TENM3: variants seen among roughly 807,000 people sequenced by gnomAD.
TENM3 encodes teneurin transmembrane protein 3.
TENM3 carries 63 observed loss-of-function variants against 255.1 expected under a neutral mutation model. That is an observed-to-expected ratio of 0.25 (90% CI 0.20 to 0.30). TENM3 has a LOEUF of 0.30. Among genes scored for constraint, TENM3 ranks in the 10% least tolerant of loss-of-function variants. TENM3 has a pLI of 1.00. For synonymous variants in TENM3, 1,306 were observed against 1,322.3 expected (o/e 0.99, Z 0.27); for missense variants, 2,929 against 3,461.1 (o/e 0.85, Z 3.86).
At chr4:182,653,948 A>C (rs752295198) in intron 6 of TENM3, 55 bp downstream of exon 6, 11 of 1,514,374 alleles carry the variant, frequency 7.3e-6, no homozygotes, top group Non-Finnish European at 9.8e-6. Context: ...CTTTTCCATA[A>C]ATTTATTTTT....
the TENM3 span, among the ~76,000 whole-genome samples, chr4:181,486,899 T>TG: frequency 6.6e-6 from 1 of 152,210 alleles, no homozygotes; most frequent in Admixed American, 6.5e-5. Context: ...GTTAAAAATA[T>TG]AATCTTCTAA....
chr4:181,799,867 G>C, the TENM3 span, among the ~76,000 whole-genome samples: 3 of 152,288 alleles, frequency 2.0e-5, no homozygotes, highest in South Asian at 6.2e-4. Context: ...TGAACAAGTC[G>C]GAAGCAGCCT....
chr4:182,758,980 A>AT (rs1040696423), intron 22 of TENM3, among the ~76,000 whole-genome samples: 151 of 152,336 alleles, frequency 9.9e-4, no homozygotes, highest in African/African-American at 3.2e-3. Flanking sequence ...AAGCCTTGAG[A>AT]TTAAAGCTTT....
chr4:181,614,085 A>G, the TENM3 span, among the ~76,000 whole-genome samples: 1 of 129,076 alleles, frequency 7.7e-6, no homozygotes, highest in African/African-American at 2.7e-5. Context: ...TTTTAAATAT[A>G]AATTCATACA....
chr4:182,049,551 G>T, the TENM3 span, among the ~76,000 whole-genome samples: 2 of 152,336 alleles, frequency 1.3e-5, no homozygotes, highest in East Asian at 1.9e-4. Context: ...GAAGTTCAGC[G>T]TGCAAAGCAC....
At chr4:182,369,999 G>T (rs1441572508) in intron 3 of TENM3, among the ~76,000 whole-genome samples, 1 of 152,124 alleles carries the variant, frequency 6.6e-6, no homozygotes, top group Non-Finnish European at 1.5e-5. Flanking sequence ...TTTTACCTTA[G>T]GCAGTTCACC....
chr4:181,657,065 G>A, the TENM3 span, among the ~76,000 whole-genome samples: 1 of 152,250 alleles, frequency 6.6e-6, no homozygotes, highest in African/African-American at 2.4e-5. Context: ...TGTGCGCGTA[G>A]TAAAAAGAAC....
chr4:182,344,564 T>C (rs1344044251), intron 2 of TENM3, among the ~76,000 whole-genome samples: 1 of 152,146 alleles, frequency 6.6e-6, no homozygotes, highest in Admixed American at 6.5e-5. Context: ...AAGATGGCAA[T>C]AGTGTGAAAA....
chr4:182,055,437 C>T, the TENM3 span, among the ~76,000 whole-genome samples: 2 of 152,248 alleles, frequency 1.3e-5, no homozygotes, highest in African/African-American at 4.8e-5. Flanking sequence ...CGCTCTGGCT[C>T]GGTTAAGCTC....
At chr4:182,711,674 C>A in intron 12 of TENM3, 2 of 602,222 alleles carry the variant, frequency 3.3e-6, no homozygotes, top group Non-Finnish European at 4.2e-6. Context: ...CTAGGTTTGA[C>A]AATAGACTTT....
the TENM3 span, among the ~76,000 whole-genome samples, chr4:181,577,057 T>A: frequency 0.13 from 15,237 of 116,966 alleles, 1,204 homozygotes; most frequent in Admixed American, 0.18. Flanking sequence ...TAATAATAAA[T>A]TATATATTAT....
rs145595639 is a variant in TENM3 at position 182,409,516 on chromosome 4, C to T, written c.511+62587C>T. On this transcript the variant is annotated intron_variant, in intron 3 of 27. Transcript: ENST00000511685. ...ATCCAGGATTGGGCTAGATATTCCACAACACAAATAACTGCATCCTTTCCA... is the reference window on the plus strand; with the variant it reads ...ATCCAGGATTGGGCTAGATATTCCATAACACAAATAACTGCATCCTTTCCA... 3.8e-3 allele frequency among the ~76,000 whole-genome samples: 584 copies of T among 152,264 alleles called. 3 individuals carry two copies. Among genetic ancestry groups the T allele is most frequent in the African/African-American group, 0.013 (558 of 41,558 alleles).
chr4:182,752,812 C>T (rs1181271942), intron 20 of TENM3, among the ~76,000 whole-genome samples: 1 of 152,110 alleles, frequency 6.6e-6, no homozygotes, highest in African/African-American at 2.4e-5. Context: ...GAATTTGAAA[C>T]TGGTTCTGTA....
chr4:182,335,494 C>CAAAAAAAAAAAAA (rs372965020), intron 2 of TENM3, among the ~76,000 whole-genome samples: 4 of 52,398 alleles, frequency 7.6e-5, no homozygotes, highest in African/African-American at 2.7e-4. Context: ...GACTCCGCCT[C>CAAAAAAAAAAAAA]AAAAAAAAAA....
chr4:182,354,177 C>T (rs977378575), intron 3 of TENM3, among the ~76,000 whole-genome samples: 33 of 152,072 alleles, frequency 2.2e-4, no homozygotes, highest in African/African-American at 7.7e-4. Context: ...CTATTAAGCT[C>T]GATTTGTGTT....
At chr4:181,892,649 G>A in the TENM3 span, among the ~76,000 whole-genome samples, 1 of 152,006 alleles carries the variant, frequency 6.6e-6, no homozygotes, top group Non-Finnish European at 1.5e-5. Flanking sequence ...CACATGCTCC[G>A]ATTCACTCCT....
At chr4:182,532,264 A>G (rs1263166462) in intron 3 of TENM3, among the ~76,000 whole-genome samples, 2 of 152,094 alleles carry the variant, frequency 1.3e-5, no homozygotes, top group Non-Finnish European at 2.9e-5. Context: ...CTCTCTCTGT[A>G]CCTCCATTTC....
intron 3 of TENM3, among the ~76,000 whole-genome samples, chr4:182,506,715 A>G (rs1580773597): frequency 6.6e-6 from 1 of 152,240 alleles, no homozygotes; most frequent in South Asian, 2.1e-4. Flanking sequence ...ATTGTACATA[A>G]AAGATTAAAG....
chr4:182,111,885 C>T, the TENM3 span, among the ~76,000 whole-genome samples: 1 of 152,182 alleles, frequency 6.6e-6, no homozygotes, highest in Non-Finnish European at 1.5e-5. Flanking sequence ...TCTCTCAAGA[C>T]CCCAGCCCAG....
Sources: allele counts gnomAD v4.1 joint callset (sites outside exome capture counted in the v4.1 genomes callset), GRCh38; gene constraint gnomAD v4.1.1; transcripts MANE v1.5; gene names NCBI Gene and HGNC (gene_info 2026-07-23, HGNC 2026-07-21).